The following ANO10 variants were observed in gnomAD, a reference collection of about 807,000 sequenced individuals.
ANO10 encodes the protein anoctamin-10.
Under a neutral mutation model 74.7 loss-of-function variants are expected in ANO10, and 77 were observed. That is an observed-to-expected ratio of 1.03 (90% CI 0.86 to 1.25). ANO10 has a LOEUF of 1.25. ANO10 is among the 50% of genes most tolerant of loss of function. The probability of loss-of-function intolerance (pLI) is 0.00; values close to 1 mark genes in which losing one functional copy is unlikely to be tolerated. For synonymous variants in ANO10, 279 were observed against 284.9 expected (o/e 0.98, Z 0.21); for missense variants, 721 against 778.1 (o/e 0.93, Z 0.87).
At chr3:43,403,990 T>C (rs941159398) in intron 12 of ANO10, among the ~76,000 whole-genome samples, 7 of 152,094 alleles carry the variant, frequency 4.6e-5, no homozygotes, top group Non-Finnish European at 8.8e-5. Flanking sequence ...ATCAACAGCA[T>C]GTAGAAAAGA....
At chr3:43,608,872 G>C (rs528260145) in intron 1 of ANO10, among the ~76,000 whole-genome samples, 1 of 152,252 alleles carries the variant, frequency 6.6e-6, no homozygotes, top group South Asian at 2.1e-4. Context: ...TGAGCCATGT[G>C]CCTGGCCAAG....
At chr3:43,580,666 C>T (rs2081226942) in intron 4 of ANO10, among the ~76,000 whole-genome samples, 194 bp from the exon 5 acceptor site, 3 of 151,740 alleles carry the variant, frequency 2.0e-5, no homozygotes, top group African/African-American at 7.3e-5. Context: ...GACTATGAAG[C>T]AAAAAAGTAA....
intron 11 of ANO10, among the ~76,000 whole-genome samples, chr3:43,496,219 A>G (rs2149132353): frequency 6.6e-6 from 1 of 152,318 alleles, no homozygotes; most frequent in African/African-American, 2.4e-5. Flanking sequence ...AAAATATCGG[A>G]AAACAATCAG....
intron 11 of ANO10, among the ~76,000 whole-genome samples, chr3:43,473,383 C>T (rs1431245937): frequency 1.3e-5 from 2 of 152,140 alleles, no homozygotes; most frequent in Non-Finnish European, 2.9e-5. Context: ...GCTCCTGCCA[C>T]GTCACTCTAC....
chr3:43,554,225 G>A (rs557354116), intron 10 of ANO10, among the ~76,000 whole-genome samples: 5 of 143,476 alleles, frequency 3.5e-5, no homozygotes, highest in African/African-American at 7.8e-5. Context: ...ATGGAGTGTC[G>A]CTCTGTCACC....
At chr3:43,591,505 C>T (rs542975554) in intron 4 of ANO10, among the ~76,000 whole-genome samples, 2 of 152,304 alleles carry the variant, frequency 1.3e-5, no homozygotes, top group African/African-American at 4.8e-5. Flanking sequence ...AAGACTTGCC[C>T]CCACCTTGGG....
intron 11 of ANO10, among the ~76,000 whole-genome samples, chr3:43,528,179 T>C (rs1001612369): frequency 2.4e-4 from 35 of 147,466 alleles, no homozygotes; most frequent in African/African-American, 8.1e-4. Flanking sequence ...CTATTGCTAG[T>C]CTAGGAAAAT....
At chr3:43,538,606 G>T (rs1306657366) in intron 11 of ANO10, among the ~76,000 whole-genome samples, 1 of 152,166 alleles carries the variant, frequency 6.6e-6, no homozygotes, top group Non-Finnish European at 1.5e-5. Context: ...TAACCCACAG[G>T]ACTGAAGAAA....
At chr3:43,413,785 C>G (rs1027733748) in intron 12 of ANO10, among the ~76,000 whole-genome samples, 3 of 151,204 alleles carry the variant, frequency 2.0e-5, no homozygotes, top group African/African-American at 7.3e-5. Context: ...ACGGCTGAAT[C>G]CGTAACAGGA....
At chr3:43,418,027 C>T (rs1361793472) in intron 12 of ANO10, among the ~76,000 whole-genome samples, 1 of 152,154 alleles carries the variant, frequency 6.6e-6, no homozygotes, top group Non-Finnish European at 1.5e-5. Context: ...GCCTGTAATC[C>T]CAGCACTTTG....
At chr3:43,465,605 A>G (rs2075578481) in intron 11 of ANO10, among the ~76,000 whole-genome samples, 1 of 152,152 alleles carries the variant, frequency 6.6e-6, no homozygotes, top group African/African-American at 2.4e-5. Flanking sequence ...GTGAGCTGAG[A>G]TCACACCACT....
rs552140262 is a variant in ANO10, at chr3:43,522,879, C to T, written c.1797+26841G>A. 2.6e-5 allele frequency among the ~76,000 whole-genome samples: 4 copies of T among 152,254 alleles called. No individual in the cohort carries two copies. In the South Asian group the frequency reaches 6.2e-4, roughly 24 times the overall value. Reference sequence around the variant, plus strand: ...TCAGCTGAGTGGATTCTGCATGGTACCTGCCTCTTGGGGTCCAAAAGCTTA... The same window carrying T: ...TCAGCTGAGTGGATTCTGCATGGTATCTGCCTCTTGGGGTCCAAAAGCTTA... On this transcript the variant is annotated intron_variant, in intron 11 of 12. Transcript: ENST00000292246.
intron 11 of ANO10, among the ~76,000 whole-genome samples, chr3:43,509,142 C>T (rs2077414615): frequency 6.6e-6 from 1 of 151,750 alleles, no homozygotes; most frequent in South Asian, 2.1e-4. Context: ...ACCGCATGTT[C>T]TCAGTCATAC....
intron 4 of ANO10, among the ~76,000 whole-genome samples, chr3:43,584,720 T>C (rs1246047187): frequency 2.0e-5 from 3 of 152,340 alleles, no homozygotes; most frequent in East Asian, 3.9e-4. Flanking sequence ...GCCATCTAAC[T>C]GCTTCGAAAT....
At chr3:43,547,413 G>A (rs981102810) in intron 11 of ANO10, among the ~76,000 whole-genome samples, 8 of 152,150 alleles carry the variant, frequency 5.3e-5, no homozygotes, top group African/African-American at 1.7e-4. Context: ...TAGTCTGGAG[G>A]CTAGAAGTCC....
intron 11 of ANO10, among the ~76,000 whole-genome samples, chr3:43,546,861 GC>G (rs2079217618): frequency 6.6e-6 from 1 of 152,230 alleles, no homozygotes; most frequent in South Asian, 2.1e-4. Context: ...AGAGAGTGGG[GC>G]TGAAAGAGTA....
chr3:43,371,017 C>G (rs920533635), intron 12 of ANO10, among the ~76,000 whole-genome samples: 1 of 152,166 alleles, frequency 6.6e-6, no homozygotes, highest in Non-Finnish European at 1.5e-5. Context: ...TCCCTCCCAG[C>G]CTTGTAGCAG....
chr3:43,529,728 T>C (rs2078372654), intron 11 of ANO10, among the ~76,000 whole-genome samples: 1 of 152,090 alleles, frequency 6.6e-6, no homozygotes. Context: ...TAAAGGATAT[T>C]ATTTTAAACT....
intron 1 of ANO10, among the ~76,000 whole-genome samples, chr3:43,612,110 A>C (rs1178144379): frequency 2.2e-5 from 3 of 138,778 alleles, no homozygotes; most frequent in African/African-American, 7.9e-5. Context: ...TCCTCCTTTA[A>C]GTGCAGTGGA....
Sources: allele counts gnomAD v4.1 joint callset (sites outside exome capture counted in the v4.1 genomes callset), GRCh38; gene constraint gnomAD v4.1.1; transcripts MANE v1.5; gene names NCBI Gene and HGNC (gene_info 2026-07-23, HGNC 2026-07-21).